The following GYPC variants were observed in gnomAD, a reference collection of about 807,000 sequenced individuals.
GYPC encodes glycophorin-C.
In GYPC, 14 loss-of-function variants were observed where a neutral mutation model predicts 12.6. The ratio of observed to expected loss-of-function variants is 1.11; its 90% CI spans 0.74 to 1.74. GYPC has a LOEUF of 1.74. Ranked by LOEUF, GYPC falls within the 40% of genes most tolerant of loss-of-function variation. The pLI, the probability that GYPC is intolerant of heterozygous loss-of-function variation, is 0.00. For missense variants in GYPC, 225 were observed against 172.1 expected, an observed-to-expected ratio of 1.31 and a Z score of -1.72; for synonymous variants, 78 against 62.1, an observed-to-expected ratio of 1.26 and a Z score of -1.20.
chr2:126,674,202 G>A (rs375399888), intron 1 of GYPC, among the ~76,000 whole-genome samples: 10 of 152,296 alleles, frequency 6.6e-5, no homozygotes, highest in Admixed American at 2.0e-4. Context: ...GCCTCCGAGC[G>A]GGAGAAGCAG....
At chr2:126,665,211 G>A (rs1383726647) in intron 1 of GYPC, among the ~76,000 whole-genome samples, 1 of 152,132 alleles carries the variant, frequency 6.6e-6, no homozygotes, top group African/African-American at 2.4e-5. Context: ...CTCTTGCCCT[G>A]ATCTGAGCTT....
intron 2 of GYPC, 95 bp downstream of exon 2, chr2:126,690,406 G>T: frequency 1.0e-6 from 1 of 964,820 alleles, no homozygotes. Flanking sequence ...AGGGTTGGGG[G>T]ACTTGGTGAA....
At chr2:126,677,437 AGG>A (rs1413523487) in intron 1 of GYPC, among the ~76,000 whole-genome samples, 1 of 133,080 alleles carries the variant, frequency 7.5e-6, no homozygotes, top group Non-Finnish European at 1.7e-5. Context: ...GTGAGAGAGT[AGG>A]AGTGTGTGTG....
chr2:126,668,844 C>G (rs1030599972), intron 1 of GYPC, among the ~76,000 whole-genome samples: 3 of 152,174 alleles, frequency 2.0e-5, no homozygotes, highest in African/African-American at 7.2e-5. Context: ...CCTTGTTGGG[C>G]TTCTTGGGAC....
At chr2:126,659,867 C>T (rs1389530847) in intron 1 of GYPC, among the ~76,000 whole-genome samples, 1 of 151,378 alleles carries the variant, frequency 6.6e-6, no homozygotes, top group Admixed American at 6.6e-5. Flanking sequence ...TTGCACCCTC[C>T]ACCTCCTCCA....
At chr2:126,688,517 A>G (rs1319840354) in intron 1 of GYPC, among the ~76,000 whole-genome samples, 2 of 152,202 alleles carry the variant, frequency 1.3e-5, no homozygotes, top group African/African-American at 4.8e-5. Flanking sequence ...TGAACTTGCT[A>G]TGGCTCCTGC....
intron 1 of GYPC, chr2:126,658,080 A>G (rs1682421271): frequency 6.6e-6 from 1 of 152,290 alleles, no homozygotes; most frequent in South Asian, 2.1e-4. Context: ...TGAGTCATGC[A>G]CAGCAATCCA....
intron 1 of GYPC, among the ~76,000 whole-genome samples, chr2:126,678,049 T>A (rs533944716): frequency 2.0e-4 from 31 of 152,088 alleles, no homozygotes; most frequent in Middle Eastern, 3.4e-3. Context: ...GTGAAACCCC[T>A]TCTCTACTAA....
At chr2:126,664,951 T>TCTC (rs1682638435) in intron 1 of GYPC, among the ~76,000 whole-genome samples, 3 of 148,666 alleles carry the variant, frequency 2.0e-5, no homozygotes, top group Admixed American at 6.7e-5. Context: ...CTTGCTGTCT[T>TCTC]TCTCTCTCTC....
Position 126,657,027 on chromosome 2 carries a change from T to A in GYPC, c.49+715T>A, listed in dbSNP as rs575701422. Among the ~76,000 whole-genome samples, 16 of 152,324 alleles carry A rather than the reference T, an allele frequency of 1.1e-4. No homozygotes were observed. The South Asian group carries it at 3.3e-3, about 32-fold the overall frequency. On this transcript the variant is annotated intron_variant, in intron 1 of 3. Coordinates refer to ENST00000259254, the MANE Select transcript of GYPC (RefSeq NM_002101.5). ...ATTTTACCAAAAAACGTAATGTACA[T>A]CCCTCTTACCCCCACCCTGCCGCGG...
At chr2:126,691,396 C>T (rs537556241) in intron 2 of GYPC, among the ~76,000 whole-genome samples, 3 of 152,226 alleles carry the variant, frequency 2.0e-5, no homozygotes, top group East Asian at 1.9e-4. Flanking sequence ...GACTGCCCCT[C>T]GCACAGCCAA....
intron 1 of GYPC, among the ~76,000 whole-genome samples, chr2:126,664,130 A>T (rs1315991987): frequency 6.6e-6 from 1 of 152,162 alleles, no homozygotes; most frequent in African/African-American, 2.4e-5. Context: ...ACTTCGGCAA[A>T]ACTTCTCATT....
chr2:126,693,736 G>C (rs1683545187), intron 2 of GYPC, 128 bp from the exon 3 acceptor site: 1 of 763,314 alleles, frequency 1.3e-6, no homozygotes, highest in Admixed American at 1.8e-5. Context: ...GCGCCGCACT[G>C]CTCCTTTCCA....
At chr2:126,694,013 G>A (rs1683563484) in intron 3 of GYPC, 66 bp downstream of exon 3, 8 of 1,091,508 alleles carry the variant, frequency 7.3e-6, no homozygotes, top group South Asian at 2.5e-5. Flanking sequence ...ACATCCAGGG[G>A]AGAACTGACC....
At chr2:126,661,097 C>A (rs1388025549) in intron 1 of GYPC, among the ~76,000 whole-genome samples, 2 of 152,196 alleles carry the variant, frequency 1.3e-5, no homozygotes, top group Non-Finnish European at 2.9e-5. Flanking sequence ...TGGCAAGAGC[C>A]CATTTCCCAT....
At chr2:126,677,527 GTGTGAGTCTGTGTGTA>G (rs1472110261) in intron 1 of GYPC, among the ~76,000 whole-genome samples, 8 of 100,734 alleles carry the variant, frequency 7.9e-5, no homozygotes, top group Non-Finnish European at 1.4e-4. Context: ...GTCTGTGTGT[GTGTGAGTCTGTGTGTA>G]TGTGAGTGTG....
intron 1 of GYPC, among the ~76,000 whole-genome samples, chr2:126,676,260 C>A (rs182677112): frequency 1.3e-5 from 2 of 152,304 alleles, no homozygotes; most frequent in Admixed American, 1.3e-4. Context: ...CCTTCTTCTC[C>A]TAAAATTAAG....
intron 1 of GYPC, among the ~76,000 whole-genome samples, chr2:126,670,581 T>G (rs1380245723): frequency 2.0e-5 from 3 of 152,142 alleles, no homozygotes; most frequent in Non-Finnish European, 4.4e-5. Context: ...GGATATCGCA[T>G]GGGTCACAGG....
intron 1 of GYPC, among the ~76,000 whole-genome samples, chr2:126,669,792 C>T (rs572579719): frequency 6.6e-6 from 1 of 151,260 alleles, no homozygotes; most frequent in East Asian, 1.9e-4. Flanking sequence ...CTCATGGGCA[C>T]TTCTGAGCCT....
Sources: allele counts gnomAD v4.1 joint callset (sites outside exome capture counted in the v4.1 genomes callset), GRCh38; gene constraint gnomAD v4.1.1; transcripts MANE v1.5; gene names NCBI Gene and HGNC (gene_info 2026-07-23, HGNC 2026-07-21).